The following GDAP1 variants were observed in gnomAD, a reference collection of about 807,000 sequenced individuals.
The protein encoded by GDAP1 is ganglioside-induced differentiation-associated protein 1.
A neutral mutation model predicts 40.1 loss-of-function variants in GDAP1; 34 were observed. The ratio of observed to expected loss-of-function variants is 0.85; its 90% CI spans 0.64 to 1.13. The LOEUF (loss-of-function observed/expected upper bound fraction) is 1.13, where lower values mean the gene tolerates loss of function less well. Ranked by LOEUF, GDAP1 falls within the 50% of genes most tolerant of loss-of-function variation. The pLI is 0.00. For missense variants in GDAP1, 374 were observed against 433.7 expected, an observed-to-expected ratio of 0.86 and a Z score of 1.22; for synonymous variants, 170 against 157.4, an observed-to-expected ratio of 1.08 and a Z score of -0.60.
At chr8:74,454,509 G>A (rs1490792798) in intron 2 of GDAP1, among the ~76,000 whole-genome samples, 1 of 83,428 alleles carries the variant, frequency 1.2e-5, no homozygotes, top group South Asian at 5.5e-4. Context: ...AAAGCAGATC[G>A]CATATGAAAC....
rs191511486 is a variant in GDAP1 at position 74,361,697 on chromosome 8, C to T, written c.485-187C>T. Reference sequence around the variant, plus strand: ...GGTGTGAGCCACCGCGCCCAGCCGGCAGATACTCTTATGGTTCCATTTGAA... The same window carrying T: ...GGTGTGAGCCACCGCGCCCAGCCGGTAGATACTCTTATGGTTCCATTTGAA... On this transcript the variant is annotated intron_variant, in intron 3 of 5. Transcript: ENST00000220822. 2.8e-3 allele frequency among the ~76,000 whole-genome samples: 432 copies of T among 152,226 alleles called. 15 individuals carry two copies. Among genetic ancestry groups the T allele is most frequent in the Admixed American group, 0.027 (412 of 15,296 alleles).
In GDAP1 at chr8:74,401,248, G is replaced by A. The variant is rs539690907; in HGVS notation, c.165+49927G>A. Among the ~76,000 whole-genome samples the A allele has an allele frequency of 4.6e-4, 68 of 148,262 alleles. 1 individual carries two copies. In the East Asian group the frequency reaches 9.7e-3, roughly 21 times the overall value. ...CCCATATTTCTTGGAGGCTTTGTTC[G>A]TTTCTTTTCATTCTTTTTTCTCTAA... On this transcript the variant is annotated intron_variant, in intron 2 of 2. Transcript: ENST00000523640.
At chr8:74,472,286 C>T (rs1806567415) in intron 2 of GDAP1, among the ~76,000 whole-genome samples, 1 of 152,226 alleles carries the variant, frequency 6.6e-6, no homozygotes, top group South Asian at 2.1e-4. Context: ...TTTATGACTG[C>T]ATAGTATTCC....
At chr8:74,373,819 A>G (rs1254190177) in intron 2 of GDAP1, among the ~76,000 whole-genome samples, 2 of 152,236 alleles carry the variant, frequency 1.3e-5, no homozygotes, top group Admixed American at 6.5e-5. Flanking sequence ...GAGAGAGGGC[A>G]TCCCTGTCTT....
chr8:74,400,922 G>A lies in GDAP1; in HGVS notation c.165+49601G>A, dbSNP rs894114066. ...TTATAGGGTTTCTGCCGAGAGATCC[G>A]CTGTTAGTCTGATGGGCTTCCCTTT... On this transcript the variant is annotated intron_variant, in intron 2 of 2. Transcript: ENST00000523640. Among the ~76,000 whole-genome samples the A allele has an allele frequency of 3.3e-5, 5 of 149,748 alleles. 1 individual carries two copies. Among genetic ancestry groups the A allele is most frequent in the South Asian group, 2.1e-4 (1 of 4,828 alleles).
intron 2 of GDAP1, among the ~76,000 whole-genome samples, chr8:74,414,818 A>G (rs1586827494): frequency 2.0e-5 from 3 of 150,128 alleles, no homozygotes; most frequent in Admixed American, 1.3e-4. Flanking sequence ...CACAAAGCCT[A>G]TAGCTTCAAG....
rs73347236 is a variant in GDAP1 at position 74,375,815 on chromosome 8, T to C, written c.165+24494T>C. On this transcript the variant is annotated intron_variant, in intron 2 of 2. Coordinates refer to the GDAP1 transcript ENST00000523640. ...AGGCAACTAAAAGAAATAAAAGGTA[T>C]AAAATTTTAAAGGAATAAGAAAAAT... 5.9e-3 allele frequency among the ~76,000 whole-genome samples: 902 copies of C among 152,296 alleles called. 8 individuals carry two copies. Among genetic ancestry groups the C allele is most frequent in the African/African-American group, 0.021 (856 of 41,578 alleles).
At chr8:74,379,406 C>G (rs1311237693) in intron 2 of GDAP1, among the ~76,000 whole-genome samples, 1 of 152,036 alleles carries the variant, frequency 6.6e-6, no homozygotes, top group Non-Finnish European at 1.5e-5. Context: ...GTAGTGGTTC[C>G]CTGTTCACAT....
intron 2 of GDAP1, among the ~76,000 whole-genome samples, chr8:74,447,478 T>C (rs993619616): frequency 2.0e-5 from 3 of 152,158 alleles, no homozygotes; most frequent in East Asian, 3.9e-4. Context: ...TGAGTGCCGA[T>C]GTGACGCCAC....
chr8:74,424,937 CTTATATTGTT>C (rs979103517), intron 2 of GDAP1, among the ~76,000 whole-genome samples: 2 of 152,146 alleles, frequency 1.3e-5, no homozygotes, highest in Non-Finnish European at 2.9e-5. Context: ...AAACTTCCCT[CTTATATTGTT>C]TTATACTCCT....
chr8:74,385,397 C>T (rs967339390), intron 2 of GDAP1, among the ~76,000 whole-genome samples: 2 of 152,062 alleles, frequency 1.3e-5, no homozygotes, highest in African/African-American at 4.8e-5. Flanking sequence ...TCTCATTGTT[C>T]AACCCCCACT....
intron 2 of GDAP1, among the ~76,000 whole-genome samples, chr8:74,380,113 G>T (rs1809923384): frequency 6.6e-6 from 1 of 152,198 alleles, no homozygotes; most frequent in Admixed American, 6.5e-5. Context: ...GGTATAAATG[G>T]CCTTGCTTCG....
downstream of GDAP1, among the ~76,000 whole-genome samples, chr8:74,371,288 A>G (rs976876177): frequency 3.3e-5 from 5 of 152,238 alleles, no homozygotes; most frequent in Non-Finnish European, 7.3e-5. Context: ...AACAACTAAA[A>G]TATTTTAAAC....
intron 2 of GDAP1, among the ~76,000 whole-genome samples, chr8:74,449,584 T>C (rs557405831): frequency 6.6e-5 from 10 of 152,036 alleles, no homozygotes; most frequent in African/African-American, 2.4e-4. Context: ...TTTTATGTTA[T>C]TAAATTTTGT....
At chr8:74,351,207 G>C in intron 1 of GDAP1, 67 bp from the exon 2 acceptor site, 1 of 1,283,042 alleles carries the variant, frequency 7.8e-7, no homozygotes. Flanking sequence ...GCTGCTTAGC[G>C]GTGTCCAGGG....
intron 2 of GDAP1, among the ~76,000 whole-genome samples, chr8:74,466,960 A>G (rs1384220322): frequency 6.6e-6 from 1 of 152,240 alleles, no homozygotes; most frequent in Non-Finnish European, 1.5e-5. Context: ...TTACTCAATA[A>G]GGAATCACGG....
intron 2 of GDAP1, among the ~76,000 whole-genome samples, chr8:74,463,005 A>T (rs1684679861): frequency 6.7e-6 from 1 of 149,724 alleles, no homozygotes; most frequent in Admixed American, 6.7e-5. Flanking sequence ...TAAGAACCAG[A>T]CAGTACATGA....
chr8:74,401,594 G>T (rs1205164346), intron 2 of GDAP1, among the ~76,000 whole-genome samples: 1 of 144,256 alleles, frequency 6.9e-6, no homozygotes, highest in Non-Finnish European at 1.5e-5. Context: ...CATTGCTGGT[G>T]AGGAAATGCG....
In GDAP1 at chr8:74,441,876, T is replaced by G. The variant is rs73331357; in HGVS notation, c.166-46802T>G. The stretch of plus-strand genomic sequence containing the variant: ...CAATCTTTCATTTGTACCACTTTCG[T>G]TCATAGACTTCACTGCTGTTTAGAG... On this transcript the variant is annotated intron_variant, in intron 2 of 2. Coordinates refer to the GDAP1 transcript ENST00000523640. Among the ~76,000 whole-genome samples the G allele has an allele frequency of 9.0e-3, 1,377 of 152,278 alleles. 10 individuals carry two copies. The highest frequency in any genetic ancestry group is 0.031 in the African/African-American group (1,271 of 41,570).
Sources: gnomAD v4.1 joint callset for allele counts (sites outside exome capture counted in the v4.1 genomes callset) on GRCh38, gnomAD v4.1.1 for gene constraint, MANE v1.5 for transcripts, NCBI Gene and HGNC (gene_info 2026-07-23, HGNC 2026-07-21) for gene names.